Variants in POLE observed in about 807,000 individuals in gnomAD.
POLE encodes DNA polymerase epsilon, catalytic subunit.
POLE carries 188 observed loss-of-function variants against 279.2 expected under a neutral mutation model. The observed-to-expected ratio is 0.67, with a 90% confidence interval of 0.60 to 0.76. The LOEUF is 0.76. POLE is among the 30% of genes least tolerant of loss of function. POLE has a pLI of 0.00. For missense variants in POLE, 2,703 were observed against 3,016.7 expected (o/e 0.90, Z 2.44); for synonymous variants, 1,214 against 1,172.5 (o/e 1.04, Z -0.72).
At chr12:132,625,294 G>A in intron 47 of POLE, 1 of 725,330 alleles carries the variant, frequency 1.4e-6, no homozygotes, top group South Asian at 1.4e-5. Flanking sequence ...CCACCACACG[G>A]CAGCTTGGCG....
At chr12:132,625,552 C>T (rs2041818841) in intron 47 of POLE, 93 bp downstream of exon 47, 1 of 1,512,344 alleles carries the variant, frequency 6.6e-7, no homozygotes, top group South Asian at 1.2e-5. Context: ...CCAGGGCGTG[C>T]CTCAGGACCT....
Position 132,676,196 on chromosome 12 carries a change from G to A in POLE, c.918C>T (p.Leu306=), listed in dbSNP as rs2136014088. Residue 306 remains leucine (L), a synonymous_variant, in exon 10 of 49, where the codon CTC becomes CTT. Coordinates refer to ENST00000320574, the MANE Select transcript of POLE (RefSeq NM_006231.4). Reference sequence around the variant, plus strand: ...CTGAAACAATCTCCCTGTTGGTGATGAGGTAGCCCTAGCCAAGTTCATTAG... The same window carrying A: ...CTGAAACAATCTCCCTGTTGGTGATAAGGTAGCCCTAGCCAAGTTCATTAG... ...ISYMIDGQGY[L]ITNREIVSED... 6.2e-7 allele frequency: 1 copy of A among 1,612,136 alleles called. No homozygotes were observed. Among genetic ancestry groups the A allele is most frequent in the Non-Finnish European group, 8.5e-7 (1 of 1,178,728 alleles).
intron 32 of POLE, among the ~76,000 whole-genome samples, chr12:132,645,875 T>C (rs141775205): frequency 1.3e-5 from 2 of 152,190 alleles, no homozygotes; most frequent in African/African-American, 2.4e-5. Flanking sequence ...ATTAGTGTAA[T>C]TGCACTTTTT....
At chr12:132,638,212 A>C in intron 40 of POLE, 73 bp from the exon 41 acceptor site, 8 of 1,440,496 alleles carry the variant, frequency 5.6e-6, no homozygotes, top group Non-Finnish European at 6.7e-6. Context: ...CAGAAAATCC[A>C]AGAGGGAAAA....
At chr12:132,651,281 A>G (rs2042417315) in intron 29 of POLE, 1 of 152,254 alleles carries the variant, frequency 6.6e-6, no homozygotes, top group South Asian at 2.1e-4. Context: ...TTTATCATAT[A>G]AACACATCAG....
Position 132,672,235 on chromosome 12 carries a change from G to T in POLE, c.1774C>A (p.Gln592Lys), listed in dbSNP as rs1443486021. ...LEEEEKVPVE[Q>K]VTNFEEVCDE... ...GTTACCTCTTCAAAGTTGGTGACTT[G>T]CTCCACAGGCACTTTCTCCTCTTCC... The change falls in exon 16 of 49, where the codon CAA becomes AAA. Residue 592 changes from glutamine (Q) to lysine (K), a missense_variant. Gln to Lys is a moderately conservative substitution (Grantham distance 53). Transcript: ENST00000320574. 1.2e-6 allele frequency: 2 copies of T among 1,613,856 alleles called. No homozygotes were observed. The highest frequency in any genetic ancestry group is 1.1e-5 in the South Asian group (1 of 91,082).
chr12:132,665,277 C>T (rs1438782908), intron 21 of POLE, 25 bp downstream of exon 21: 1 of 1,607,998 alleles, frequency 6.2e-7, no homozygotes, highest in African/African-American at 1.3e-5. Context: ...TCCCATAAGC[C>T]TCTCCCGGGC....
rs892719496 is a variant in POLE, at chr12:132,677,738, G to C, written c.579-19C>G. On this transcript the variant is annotated intron_variant, in intron 6 of 48. Transcript: ENST00000320574. ...CAGAACACTAGGAATTAACAAGAGA[G>C]CAACTAACTCAGCTGCCAGGGTCTG... The C allele has an allele frequency of 6.2e-7, 1 of 1,611,996 alleles. No individual in the cohort carries two copies. Among genetic ancestry groups the C allele is most frequent in the Non-Finnish European group, 8.5e-7 (1 of 1,178,660 alleles).
chr12:132,636,174 G>C, intron 41 of POLE, 150 bp from the exon 42 acceptor site: 1 of 852,302 alleles, frequency 1.2e-6, no homozygotes, highest in Admixed American at 3.1e-5. Context: ...CAGGCTTCCT[G>C]GGGAAATGTG....
At chr12:132,672,940 G>C (rs1445685060) in intron 14 of POLE, 101 bp from the exon 15 acceptor site, 2 of 1,108,290 alleles carry the variant, frequency 1.8e-6, no homozygotes, top group Non-Finnish European at 2.6e-6. Context: ...TGAAAGGAGA[G>C]AAAACCTCGT....
chr12:132,649,566 C>A (rs776221615), intron 30 of POLE, 51 bp from the exon 31 acceptor site: 3 of 1,598,646 alleles, frequency 1.9e-6, no homozygotes, highest in African/African-American at 2.7e-5. Flanking sequence ...GATGGGAATG[C>A]CCGCCATGAC....
At chr12:132,637,022 C>T (rs1210621021) in intron 41 of POLE, among the ~76,000 whole-genome samples, 2 of 152,350 alleles carry the variant, frequency 1.3e-5, no homozygotes, top group Middle Eastern at 6.8e-3. Flanking sequence ...CACATCCTTC[C>T]CATTATCTCA....
chr12:132,654,564 TA>T (rs2042491904), intron 29 of POLE, among the ~76,000 whole-genome samples: 1 of 152,126 alleles, frequency 6.6e-6, no homozygotes, highest in African/African-American at 2.4e-5. Flanking sequence ...TTCATTAAAA[TA>T]AAAAACTCTG....
At chr12:132,670,114 G>A (rs944951125) in intron 16 of POLE, among the ~76,000 whole-genome samples, 1 of 152,008 alleles carries the variant, frequency 6.6e-6, no homozygotes, top group Non-Finnish European at 1.5e-5. Context: ...GCTCACGCCT[G>A]TAATCCCAGC....
intron 41 of POLE, among the ~76,000 whole-genome samples, chr12:132,637,766 C>G (rs1021207456): frequency 6.6e-6 from 1 of 152,254 alleles, no homozygotes; most frequent in Non-Finnish European, 1.5e-5. Context: ...ACTGTGGAAC[C>G]TTCTTAGCAA....
rs1227437077 is a variant in POLE at position 132,653,415 on chromosome 12, A to G, written c.3583-3526T>C. Reference sequence around the variant, plus strand: ...GTGTAATTTTTTCTGTAAAAGTCTTACACACATTGTTACCATGAATTTATT... The same window carrying G: ...GTGTAATTTTTTCTGTAAAAGTCTTGCACACATTGTTACCATGAATTTATT... On this transcript the variant is annotated intron_variant, in intron 29 of 48. Coordinates refer to ENST00000320574, the MANE Select transcript of POLE (RefSeq NM_006231.4). Among the ~76,000 whole-genome samples the G allele has an allele frequency of 6.6e-5, 10 of 152,376 alleles. No homozygotes were observed. In the South Asian group the frequency reaches 2.1e-3, roughly 32 times the overall value.
intron 32 of POLE, among the ~76,000 whole-genome samples, chr12:132,645,937 AC>A (rs2042274020): frequency 6.6e-6 from 1 of 152,134 alleles, no homozygotes; most frequent in African/African-American, 2.4e-5. Flanking sequence ...ATGAAATGAT[AC>A]CCCTTGAGCT....
intron 45 of POLE, 96 bp from the exon 46 acceptor site, chr12:132,626,413 C>A: frequency 8.4e-7 from 1 of 1,191,452 alleles, no homozygotes; most frequent in Non-Finnish European, 1.2e-6. Flanking sequence ...CTACAGTTTC[C>A]TGGTGTCCTT....
At position 132,664,946 on chromosome 12, in the gene POLE, G is replaced by A. The variant is rs531998153; in HGVS notation, c.2468+356C>T. 4.8e-5 allele frequency among the ~76,000 whole-genome samples: 6 copies of A among 124,254 alleles called. No homozygotes were observed. Among genetic ancestry groups the A allele is most frequent in the Admixed American group, 1.9e-4 (2 of 10,694 alleles). The allele number at this position is 124,254 out of a possible 152,430, so 81.5% of individuals were successfully genotyped here. A position where few individuals can be genotyped will look rare whatever the true frequency, so the allele number is the denominator to read the frequency against. The stretch of plus-strand genomic sequence containing the variant: ...TGTCAGTTGCTTCTCTGCCCCTCCC[G>A]GACACGCAGACATGCTGTGAAGCAA... On this transcript the variant is annotated intron_variant, in intron 21 of 48. Transcript: ENST00000320574. This position sits in a 1 kb window ranked among gnomAD's most constrained non-coding sequence, Gnocchi z 5.3.
Sources: allele counts gnomAD v4.1 joint callset (sites outside exome capture counted in the v4.1 genomes callset), GRCh38; gene constraint gnomAD v4.1.1; non-coding constraint Gnocchi (gnomAD v3.1); transcripts MANE v1.5; gene names NCBI Gene and HGNC (gene_info 2026-07-23, HGNC 2026-07-21).